The following FRMD4B variants were observed in gnomAD, a reference collection of about 807,000 sequenced individuals.
FRMD4B encodes the protein FERM domain-containing protein 4B.
A neutral mutation model predicts 141.5 loss-of-function variants in FRMD4B; 74 were observed. That is an observed-to-expected ratio of 0.52 (90% CI 0.43 to 0.63). The LOEUF (loss-of-function observed/expected upper bound fraction) is 0.63. Ranked by LOEUF, FRMD4B falls within the 30% of genes least tolerant of loss-of-function variation. The pLI is 0.00. For missense variants in FRMD4B, 1,366 were observed against 1,253.4 expected (o/e 1.09, Z -1.36); for synonymous variants, 506 against 467.9 (o/e 1.08, Z -1.05).
chr3:69,214,009 G>A (rs2093114102), intron 11 of FRMD4B, among the ~76,000 whole-genome samples: 1 of 151,938 alleles, frequency 6.6e-6, no homozygotes, highest in African/African-American at 2.4e-5. Flanking sequence ...AAGCCTCAAC[G>A]CCCTACTAGC....
At chr3:69,248,699 C>A (rs1406112689) in intron 7 of FRMD4B, among the ~76,000 whole-genome samples, 1 of 152,194 alleles carries the variant, frequency 6.6e-6, no homozygotes, top group Admixed American at 6.5e-5. Context: ...AATATAAACA[C>A]CCTCTGTGGA....
At chr3:69,236,258 T>C (rs1198778451) in intron 7 of FRMD4B, among the ~76,000 whole-genome samples, 2 of 150,772 alleles carry the variant, frequency 1.3e-5, no homozygotes, top group East Asian at 3.9e-4. Context: ...AGATGGAGTC[T>C]CGCTCTGTTG....
chr3:69,422,500 A>G (rs1704998573), intron 2 of FRMD4B, among the ~76,000 whole-genome samples: 1 of 152,124 alleles, frequency 6.6e-6, no homozygotes, highest in African/African-American at 2.4e-5. Context: ...CAGAGCTTTT[A>G]ACTGCCTGTG....
rs56074743 is a variant in FRMD4B at position 69,363,248 on chromosome 3, GTTT to G, written c.162+22577_162+22579del. Among the ~76,000 whole-genome samples, 140 of 132,728 alleles carry G rather than the reference GTTT, an allele frequency of 1.1e-3. 1 individual carries two copies. The highest frequency in any genetic ancestry group is 4.0e-3 in the African/African-American group (133 of 33,422). The allele number at this position is 132,728 out of a possible 152,430, so 87.1% of individuals were successfully genotyped here. A position where few individuals can be genotyped will look rare whatever the true frequency, so the allele number is the denominator to read the frequency against. ...AAAAAGGATCACTTCTTTTTACCAT[GTTT>G]TTTTTTTTTTTTTAAATAGAGATGG... On this transcript the variant is annotated intron_variant, in intron 1 of 22. Coordinates refer to ENST00000398540, the MANE Select transcript of FRMD4B (RefSeq NM_015123.3).
At chr3:69,536,773 G>C (rs1701094204) in intron 1 of FRMD4B, 1 of 466,092 alleles carries the variant, frequency 2.1e-6, no homozygotes, top group South Asian at 2.1e-5. Context: ...TTGAGACAGA[G>C]TCTTGCTCTG....
chr3:69,244,975 ATTAT>A (rs2093412814), intron 7 of FRMD4B, among the ~76,000 whole-genome samples: 1 of 152,138 alleles, frequency 6.6e-6, no homozygotes, highest in South Asian at 2.1e-4. Context: ...CTTTTTTCCC[ATTAT>A]TTATATGGGA....
At chr3:69,299,350 T>C (rs1701135863) in intron 4 of FRMD4B, among the ~76,000 whole-genome samples, 1 of 152,190 alleles carries the variant, frequency 6.6e-6, no homozygotes, top group South Asian at 2.1e-4. Flanking sequence ...CCCTATCTTT[T>C]TCAGATATAA....
chr3:69,413,237 A>AAGTGCTTAC (rs1263782894), intron 2 of FRMD4B, among the ~76,000 whole-genome samples: 5 of 152,184 alleles, frequency 3.3e-5, no homozygotes, highest in African/African-American at 1.2e-4. Flanking sequence ...TGAATGAGCC[A>AAGTGCTTAC]AGTGCTTACA....
chr3:69,204,765 C>T lies in FRMD4B; in HGVS notation c.877-5991G>A, dbSNP rs750094285. 5.3e-5 allele frequency among the ~76,000 whole-genome samples: 8 copies of T among 152,190 alleles called. 1 individual carries two copies. Among genetic ancestry groups the T allele is most frequent in the Admixed American group, 3.9e-4 (6 of 15,278 alleles). On this transcript the variant is annotated intron_variant, in intron 11 of 22. Coordinates refer to ENST00000398540, the MANE Select transcript of FRMD4B (RefSeq NM_015123.3). ...AAATACGCAGTTAACACCAACAGTGCCAGCTGGCATAAACTAAGCGCTCAG... is the reference window on the plus strand; with the variant it reads ...AAATACGCAGTTAACACCAACAGTGTCAGCTGGCATAAACTAAGCGCTCAG...
chr3:69,440,940 T>C (rs761940592), intron 1 of FRMD4B, among the ~76,000 whole-genome samples: 3 of 152,256 alleles, frequency 2.0e-5, no homozygotes, highest in Non-Finnish European at 4.4e-5. Context: ...GTATATGGTA[T>C]ATCTTGTCAT....
At chr3:69,490,193 G>A (rs1706279946) in intron 1 of FRMD4B, among the ~76,000 whole-genome samples, 1 of 152,144 alleles carries the variant, frequency 6.6e-6, no homozygotes, top group Non-Finnish European at 1.5e-5. Flanking sequence ...ACTGAATTGT[G>A]TATTTTAAAC....
intron 7 of FRMD4B, among the ~76,000 whole-genome samples, chr3:69,246,315 G>T (rs1055095940): frequency 1.2e-4 from 19 of 152,088 alleles, no homozygotes; most frequent in Admixed American, 5.2e-4. Flanking sequence ...AATTAGCCAG[G>T]TGTGATGGTG....
chr3:69,303,106 C>T (rs1193044349), intron 3 of FRMD4B, among the ~76,000 whole-genome samples: 1 of 135,154 alleles, frequency 7.4e-6, no homozygotes, highest in Non-Finnish European at 1.7e-5. Context: ...ACAAAACCCC[C>T]CAAAACAAAC....
intron 1 of FRMD4B, chr3:69,541,422 G>A (rs1028555688): frequency 1.3e-5 from 2 of 152,244 alleles, no homozygotes; most frequent in Non-Finnish European, 2.9e-5. Flanking sequence ...ACAAAGGAGA[G>A]CGAGAGAGAG....
intron 5 of FRMD4B, among the ~76,000 whole-genome samples, chr3:69,263,291 G>A (rs1220501290): frequency 6.6e-6 from 1 of 151,746 alleles, no homozygotes; most frequent in East Asian, 1.9e-4. Context: ...AAAAGCAAAT[G>A]GTAGCAGACA....
chr3:69,371,723 C>T (rs1332737733), intron 1 of FRMD4B, among the ~76,000 whole-genome samples: 2 of 152,166 alleles, frequency 1.3e-5, no homozygotes, highest in African/African-American at 4.8e-5. Context: ...GTGTTGAAAA[C>T]TAGCCAAGGT....
chr3:69,333,677 T>G (rs1008609965), intron 1 of FRMD4B, among the ~76,000 whole-genome samples: 2 of 152,356 alleles, frequency 1.3e-5, no homozygotes, highest in African/African-American at 2.4e-5. Flanking sequence ...TTATCATTTC[T>G]TTCTTCTGAT....
Position 69,181,593 on chromosome 3 carries a change from T to G in FRMD4B, c.2157A>C (p.Arg719Ser), listed in dbSNP as rs1167555268. 2 of 1,613,844 alleles carry G rather than the reference T, an allele frequency of 1.2e-6. No homozygotes were observed. The highest frequency in any genetic ancestry group is 1.3e-5 in the African/African-American group (1 of 75,018). The change falls in exon 21 of 23, where the codon AGA (arginine) becomes AGC (serine). Residue 719 changes from arginine (R) to serine (S), a missense_variant. Physicochemically the swap from Arg to Ser is moderately radical, Grantham distance 110 (BLOSUM62 -1). Transcript: ENST00000398540. ...CATCGAGGATTTCTGTGCTGCTGCT[T>G]CTTTGGGATTTGGAGAGGGAGAAAA... ...KPFFSLSKSQ[R>S]SSSTEILDDG... is the part of the protein sequence containing the mutation.
At chr3:69,506,207 G>A (rs1040273534) in intron 1 of FRMD4B, among the ~76,000 whole-genome samples, 3 of 152,096 alleles carry the variant, frequency 2.0e-5, no homozygotes, top group Non-Finnish European at 4.4e-5. Context: ...TGATGGATTG[G>A]CCCTGATCTT....
Sources: gnomAD v4.1 joint callset for allele counts (sites outside exome capture counted in the v4.1 genomes callset) on GRCh38, gnomAD v4.1.1 for gene constraint, MANE v1.5 for transcripts, NCBI Gene and HGNC (gene_info 2026-07-23, HGNC 2026-07-21) for gene names.